The following ADGRB3 variants were observed in gnomAD, a reference collection of about 807,000 sequenced individuals.
ADGRB3 encodes adhesion G protein-coupled receptor B3.
Under a neutral mutation model 193.4 loss-of-function variants are expected in ADGRB3, and 37 were observed. The ratio of observed to expected loss-of-function variants is 0.19; its 90% CI spans 0.15 to 0.25. The LOEUF (loss-of-function observed/expected upper bound fraction) is 0.25, where lower values mean the gene tolerates loss of function less well. ADGRB3 is among the 10% of genes least tolerant of loss of function. ADGRB3 has a pLI of 1.00. For synonymous variants in ADGRB3, 690 were observed against 644.2 expected, an observed-to-expected ratio of 1.07 and a Z score of -1.08; for missense variants, 1,637 against 1,852.9, an observed-to-expected ratio of 0.88 and a Z score of 2.14.
At chr6:69,060,291 T>C (rs1228615316) in intron 15 of ADGRB3, among the ~76,000 whole-genome samples, 1 of 147,524 alleles carries the variant, frequency 6.8e-6, no homozygotes, top group Non-Finnish European at 1.5e-5. Context: ...AGCCATAGGG[T>C]TGATTCTGTC....
chr6:68,735,709 A>T (rs1301958710), intron 3 of ADGRB3, among the ~76,000 whole-genome samples: 2 of 152,108 alleles, frequency 1.3e-5, no homozygotes, highest in African/African-American at 4.8e-5. Flanking sequence ...TGAGATCATT[A>T]TTCCATGGAC....
At chr6:69,048,557 A>G (rs1173458546) in intron 14 of ADGRB3, among the ~76,000 whole-genome samples, 2 of 152,108 alleles carry the variant, frequency 1.3e-5, no homozygotes, top group Non-Finnish European at 2.9e-5. Flanking sequence ...TACAAGTGCA[A>G]ATTATCGACC....
chr6:68,696,245 G>A (rs1010462931), intron 3 of ADGRB3, among the ~76,000 whole-genome samples: 4 of 151,788 alleles, frequency 2.6e-5, no homozygotes, highest in Non-Finnish European at 5.9e-5. Context: ...TGTCGCTGTG[G>A]AATCAAATGC....
At chr6:69,294,939 A>T (rs1044428219) in intron 20 of ADGRB3, among the ~76,000 whole-genome samples, 1 of 152,160 alleles carries the variant, frequency 6.6e-6, no homozygotes, top group Non-Finnish European at 1.5e-5. Context: ...TGTTCAATTC[A>T]TCATGGATAA....
intron 16 of ADGRB3, 148 bp from the exon 17 acceptor site, chr6:69,075,846 AT>A (rs1772213956): frequency 7.9e-6 from 5 of 635,048 alleles, no homozygotes; most frequent in Non-Finnish European, 1.3e-5. Flanking sequence ...CGAAATGCAA[AT>A]TTCTTATAAA....
At chr6:68,931,810 A>G (rs1767344685) in intron 4 of ADGRB3, among the ~76,000 whole-genome samples, 2 of 152,178 alleles carry the variant, frequency 1.3e-5, no homozygotes, top group Non-Finnish European at 2.9e-5. Flanking sequence ...AAGGAGGTCA[A>G]ATTTTCAGAA....
intron 3 of ADGRB3, among the ~76,000 whole-genome samples, chr6:68,829,900 C>T (rs924441258): frequency 1.1e-4 from 17 of 152,082 alleles, no homozygotes; most frequent in Admixed American, 9.8e-4. Context: ...AAAATAATCT[C>T]ATATAAGATA....
chr6:69,124,407 A>G (rs752242587), intron 17 of ADGRB3, among the ~76,000 whole-genome samples: 7 of 152,154 alleles, frequency 4.6e-5, no homozygotes, highest in African/African-American at 9.7e-5. Flanking sequence ...ACTACAGACT[A>G]TCTGAGTTAG....
chr6:68,996,456 G>A (rs888786818), intron 11 of ADGRB3, among the ~76,000 whole-genome samples: 2 of 152,234 alleles, frequency 1.3e-5, no homozygotes, highest in Admixed American at 6.5e-5. Context: ...AAGTCTTCCC[G>A]AATGACAACT....
chr6:69,279,083 A>ACATG (rs1767365837), intron 20 of ADGRB3, among the ~76,000 whole-genome samples: 1 of 101,226 alleles, frequency 9.9e-6, no homozygotes, highest in Non-Finnish European at 2.1e-5. Flanking sequence ...ATATATATAT[A>ACATG]TATATATATA....
At chr6:69,169,135 T>TA (rs1215918923) in intron 17 of ADGRB3, among the ~76,000 whole-genome samples, 1 of 151,974 alleles carries the variant, frequency 6.6e-6, no homozygotes, top group Non-Finnish European at 1.5e-5. Flanking sequence ...AGATATACCT[T>TA]AAAAAAAGAG....
intron 17 of ADGRB3, among the ~76,000 whole-genome samples, chr6:69,165,446 G>C (rs989849383): frequency 2.0e-5 from 3 of 150,714 alleles, no homozygotes; most frequent in Non-Finnish European, 4.4e-5. Context: ...CAATTGTTTG[G>C]TTTACTTCCA....
chr6:68,699,776 A>G (rs1370014250), intron 3 of ADGRB3, among the ~76,000 whole-genome samples: 2 of 151,516 alleles, frequency 1.3e-5, no homozygotes, highest in Non-Finnish European at 2.9e-5. Flanking sequence ...ATTATGAACA[A>G]CAGTCCTAGG....
intron 3 of ADGRB3, among the ~76,000 whole-genome samples, chr6:68,837,496 T>C (rs1462407581): frequency 6.6e-6 from 1 of 152,234 alleles, no homozygotes; most frequent in Non-Finnish European, 1.5e-5. Flanking sequence ...TTGTATGATA[T>C]AACATAGATA....
intron 16 of ADGRB3, among the ~76,000 whole-genome samples, chr6:69,074,331 A>T (rs953034205): frequency 2.6e-5 from 4 of 152,138 alleles, no homozygotes; most frequent in African/African-American, 9.7e-5. Context: ...GCAAAAATTT[A>T]GAATGGACCT....
At chr6:68,729,285 A>G (rs1297992335) in intron 3 of ADGRB3, among the ~76,000 whole-genome samples, 1 of 151,508 alleles carries the variant, frequency 6.6e-6, no homozygotes, top group Non-Finnish European at 1.5e-5. Flanking sequence ...TACCAGAAAT[A>G]CCCCTGGATA....
intron 11 of ADGRB3, among the ~76,000 whole-genome samples, chr6:68,999,390 G>C (rs1384286320): frequency 6.6e-6 from 1 of 150,862 alleles, no homozygotes; most frequent in African/African-American, 2.4e-5. Context: ...TCAGCCTCCC[G>C]AGTAGCTGGG....
intron 3 of ADGRB3, among the ~76,000 whole-genome samples, chr6:68,844,810 A>G (rs1001978103): frequency 6.6e-6 from 1 of 152,216 alleles, no homozygotes; most frequent in Non-Finnish European, 1.5e-5. Context: ...AGACGATGTC[A>G]TTTGCAACAA....
intron 3 of ADGRB3, among the ~76,000 whole-genome samples, chr6:68,670,050 T>A (rs1467526292): frequency 6.6e-6 from 1 of 152,060 alleles, no homozygotes; most frequent in African/African-American, 2.4e-5. Flanking sequence ...TATGTCTGTT[T>A]GCCATTTGTG....
Sources: allele counts gnomAD v4.1 joint callset (sites outside exome capture counted in the v4.1 genomes callset), GRCh38; gene constraint gnomAD v4.1.1; transcripts MANE v1.5; gene names NCBI Gene and HGNC (gene_info 2026-07-23, HGNC 2026-07-21).